The following SETD1A variants were observed in gnomAD, a reference collection of about 807,000 sequenced individuals.
SETD1A encodes the protein SET domain containing 1A, histone lysine methyltransferase, also known as histone-lysine N-methyltransferase SETD1A.
A neutral mutation model predicts 149.9 loss-of-function variants in SETD1A; 29 were observed. The ratio of observed to expected loss-of-function variants is 0.19; its 90% CI spans 0.14 to 0.26. SETD1A has a LOEUF of 0.26. Among genes scored for constraint, SETD1A ranks in the 10% least tolerant of loss-of-function variants. The pLI is 1.00. For missense variants in SETD1A, 2,109 were observed against 2,353.1 expected, an observed-to-expected ratio of 0.90 and a Z score of 2.15; for synonymous variants, 1,141 against 968.5, an observed-to-expected ratio of 1.18 and a Z score of -3.31.
At position 30,961,524 on chromosome 16, in the gene SETD1A, G is replaced by A. The variant is rs768873331; in HGVS notation, c.504G>A (p.Gln168=). The change falls in exon 4 of 19, where the codon CAG becomes CAA. Residue 168 remains glutamine (Q), a synonymous_variant. Transcript: ENST00000262519. The surrounding 1 kb of genome is among the most constrained non-coding windows in gnomAD (Gnocchi z 4.0). ...TCATGGGCAACATCATCCATGCCCA[G>A]CTTGACATCAAAGGTGAGGACTCCT... ...TSVMGNIIHA[Q]LDIKGQQRMK... 3 of 1,613,834 alleles carry A rather than the reference G, an allele frequency of 1.9e-6. No individual in the cohort carries two copies. In the East Asian group the frequency reaches 6.7e-5, roughly 36 times the overall value.
Position 30,983,530 on chromosome 16 carries a change from C to A in SETD1A, c.4813-105C>A. On this transcript the variant is annotated intron_variant, in intron 17 of 18. Transcript: ENST00000262519. This position sits in a 1 kb window ranked among gnomAD's most constrained non-coding sequence, Gnocchi z 6.8. ...TTAGCGGGAGCTGGAGGCAGAGCTG[C>A]AGCTCCAGGCCTGGTGGGCGTGGAC... The A allele has an allele frequency of 7.4e-7, 1 of 1,354,306 alleles. No homozygotes were observed. Among genetic ancestry groups the A allele is most frequent in the Non-Finnish European group, 1.0e-6 (1 of 983,898 alleles). 83.9% of individuals were successfully genotyped at this position (1,354,306 alleles called of 1,614,324 possible). A position where few individuals can be genotyped will look rare whatever the true frequency, so the allele number is the denominator to read the frequency against.
At chr16:30,971,332 A>G (rs1291408065) in intron 12 of SETD1A, 46 bp from the exon 13 acceptor site, 4 of 1,533,720 alleles carry the variant, frequency 2.6e-6, no homozygotes, top group East Asian at 2.3e-5. Context: ...CGGCTGGCCA[A>G]GTGAGGTCTG....
Position 30,964,743 on chromosome 16 carries a change from C to T in SETD1A, c.1001C>T (p.Thr334Ile), listed in dbSNP as rs747070455. 3 of 1,614,256 alleles carry T rather than the reference C, an allele frequency of 1.9e-6. No homozygotes were observed. Among genetic ancestry groups the T allele is most frequent in the Admixed American group, 1.7e-5 (1 of 60,028 alleles). ...GCCATCGCCGCCACCACTGCAGCCA[C>T]TGCCTCATCCTCCGCCTCTTCCTCC... ...STAIAATTAA[T>I]ASSSASSSSL... Residue 334 changes from threonine (T) to isoleucine (I), a missense_variant, in exon 7 of 19, where the codon ACT becomes ATT. By Grantham distance (89) the Thr-to-Ile change is moderately conservative. Transcript: ENST00000262519.
chr16:30,967,412 C>T, intron 9 of SETD1A, 89 bp from the exon 10 acceptor site: 6 of 1,241,680 alleles, frequency 4.8e-6, no homozygotes, highest in Non-Finnish European at 7.1e-6. Flanking sequence ...CCTTGGCCTC[C>T]CAAAGTGCTG....
intron 2 of SETD1A, 96 bp from the exon 3 acceptor site, chr16:30,958,995 C>T (rs1352191972): frequency 6.2e-6 from 9 of 1,460,922 alleles, no homozygotes; most frequent in Non-Finnish European, 6.7e-6. Flanking sequence ...CAGTTGGACC[C>T]AGCTCTTCTG....
chr16:30,984,384 C>G lies in SETD1A; in HGVS notation c.*361C>G, dbSNP rs780360099. 1 of 212,902 alleles carries G rather than the reference C, an allele frequency of 4.7e-6. No homozygotes were observed. The highest frequency in any genetic ancestry group is 2.3e-5 in the African/African-American group (1 of 43,370). 13.2% of individuals were successfully genotyped at this position (212,902 alleles called of 1,614,324 possible). A position where few individuals can be genotyped will look rare whatever the true frequency, so the allele number is the denominator to read the frequency against. On this transcript the variant is annotated 3_prime_UTR_variant, in exon 19 of 19. Transcript: ENST00000262519. ...AATGGGGACTTCCCCTTACGCCCTGCGTGTACCCCTCCCCAGTTTAGGGGT... is the reference window on the plus strand; with the variant it reads ...AATGGGGACTTCCCCTTACGCCCTGGGTGTACCCCTCCCCAGTTTAGGGGT...
Position 30,969,644 on chromosome 16 carries a change from G to A in SETD1A, c.2971G>A (p.Glu991Lys). The A allele has an allele frequency of 3.1e-6, 5 of 1,614,246 alleles. No individual in the cohort carries two copies. In the South Asian group the frequency reaches 3.3e-5, roughly 11 times the overall value. ...DEEDEEDEDR[E>K]EAVDTTKKET... ...GGAAGATGAGGAAGATGAAGATCGAGAGGAAGCTGTGGATACCACAAAGAA... is the reference window on the plus strand; with the variant it reads ...GGAAGATGAGGAAGATGAAGATCGAAAGGAAGCTGTGGATACCACAAAGAA... The change falls in exon 12 of 19, where the codon GAG (glutamate) becomes AAG (lysine). Residue 991 changes from glutamate to lysine, a missense_variant. Coordinates refer to ENST00000262519, the MANE Select transcript of SETD1A (RefSeq NM_014712.3).
intron 13 of SETD1A, 51 bp downstream of exon 13, chr16:30,971,770 G>A (rs1213385826): frequency 1.3e-6 from 2 of 1,506,164 alleles, no homozygotes; most frequent in Non-Finnish European, 1.8e-6. Flanking sequence ...GAGAGAGAGA[G>A]AGAAAACAGT....
chr16:30,979,758 C>G lies in SETD1A; in HGVS notation c.3972C>G (p.Pro1324=). 6.3e-7 allele frequency: 1 copy of G among 1,596,602 alleles called. No individual in the cohort carries two copies. The highest frequency in any genetic ancestry group is 1.1e-5 in the South Asian group (1 of 90,480). Residue 1324 remains proline (P), a synonymous_variant, in exon 14 of 19, where the codon CCC becomes CCG. Coordinates refer to ENST00000262519, the MANE Select transcript of SETD1A (RefSeq NM_014712.3). ...GGCCCCCGGAGCCAGTGCCCGCACC[C>G]GCCGCCCTCTTCAGTTCCCCAGCTG... is the stretch of plus-strand genomic sequence containing the variant. The part of the protein sequence containing the change: ...ALRPPEPVPA[P]AALFSSPADE...
At chr16:30,981,238 C>T in intron 17 of SETD1A, 58 bp downstream of exon 17, 1 of 1,598,654 alleles carries the variant, frequency 6.3e-7, no homozygotes, top group South Asian at 1.1e-5. Context: ...AGCATGGGGG[C>T]TCACACACAT....
intron 10 of SETD1A, among the ~76,000 whole-genome samples, chr16:30,967,991 G>A (rs2056171351): frequency 6.6e-6 from 1 of 152,146 alleles, no homozygotes; most frequent in Non-Finnish European, 1.5e-5. Flanking sequence ...CATTGAGTCA[G>A]ATCTGCTTCC....
chr16:30,980,487 A>G lies in SETD1A; in HGVS notation c.4411A>G (p.Thr1471Ala), dbSNP rs2056358980. Reference protein sequence around the residue: ...NDTHWVHHTITNLTTPKRKRR... With the variant: ...NDTHWVHHTIANLTTPKRKRR... ...TTCTCTTCCTTAACACCCTGCACTCACCAACCTGACCACCCCAAAACGCAA... is the reference window on the plus strand; with the variant it reads ...TTCTCTTCCTTAACACCCTGCACTCGCCAACCTGACCACCCCAAAACGCAA... The change falls in exon 15 of 19, where the codon ACC becomes GCC. Residue 1471 changes from threonine (T) to alanine (A), a missense_variant and splice_region_variant. By Grantham distance (58) the Thr-to-Ala change is moderately conservative (BLOSUM62 0). This residue lies in a region of SETD1A where 254 missense variants were observed against 409.3 expected (regional missense o/e 0.62). Transcript: ENST00000262519. This position sits in a 1 kb window ranked among gnomAD's most constrained non-coding sequence, Gnocchi z 7.7. The G allele has an allele frequency of 2.5e-6, 4 of 1,612,850 alleles. No individual in the cohort carries two copies. Among genetic ancestry groups the G allele is most frequent in the Non-Finnish European group, 3.4e-6 (4 of 1,179,340 alleles).
chr16:30,969,622 A>T lies in SETD1A; in HGVS notation c.2949A>T (p.Glu983Asp). 6.2e-7 allele frequency: 1 copy of T among 1,614,000 alleles called. No homozygotes were observed. Among genetic ancestry groups the T allele is most frequent in the Non-Finnish European group, 8.5e-7 (1 of 1,179,914 alleles). Residue 983 changes from glutamate to aspartate, a missense_variant, in exon 12 of 19, where the codon GAA becomes GAT. Around this residue, in one of 8 missense-constraint regions of SETD1A, gnomAD observed 832 missense variants for 815.6 expected, o/e 1.02. Transcript: ENST00000262519. ...TTAAGGATGAGGAGGATGACGAGGA[A>T]GATGAGGAAGATGAAGATCGAGAGG... ...SSEKDEEDDE[E>D]DEEDEDREEA... is the part of the protein sequence containing the mutation.
At position 30,959,184 on chromosome 16, in the gene SETD1A, A is replaced by C; in HGVS notation, c.244A>C (p.Lys82Gln). The change falls in exon 3 of 19, where the codon AAG becomes CAG. Residue 82 changes from lysine to glutamine, a missense_variant and splice_region_variant. Coordinates refer to ENST00000262519, the MANE Select transcript of SETD1A (RefSeq NM_014712.3). Reference sequence around the variant, plus strand: ...CTTTTCCCTCCCAGTCCCTAAGTTTAAGGTAAGTGTCTGCTGGGCTCCTGG... The same window carrying C: ...CTTTTCCCTCCCAGTCCCTAAGTTTCAGGTAAGTGTCTGCTGGGCTCCTGG... Reference protein sequence around the residue: ...RDFSLPVPKFKLDEFYIGQIP... With the variant: ...RDFSLPVPKFQLDEFYIGQIP... 1 of 1,600,680 alleles carries C rather than the reference A, an allele frequency of 6.2e-7. No individual in the cohort carries two copies. Among genetic ancestry groups the C allele is most frequent in the Non-Finnish European group, 8.6e-7 (1 of 1,167,754 alleles).
intron 13 of SETD1A, among the ~76,000 whole-genome samples, chr16:30,977,700 G>A (rs938218553): frequency 1.3e-5 from 2 of 152,228 alleles, no homozygotes; most frequent in Admixed American, 6.5e-5. Context: ...GCTGCCACAG[G>A]CTGAGACCCC....
chr16:30,979,991 G>GCCC lies in SETD1A; in HGVS notation c.4206_4208dup (p.Pro1412dup). The GCCC allele has an allele frequency of 7.8e-7, 1 of 1,279,666 alleles. No homozygotes were observed. The highest frequency in any genetic ancestry group is 1.0e-6 in the Non-Finnish European group (1 of 969,376). 79.3% of individuals were successfully genotyped at this position (1,279,666 alleles called of 1,614,324 possible). On this transcript the variant is annotated inframe_insertion, in exon 14 of 19. Transcript: ENST00000262519. The stretch of plus-strand genomic sequence containing the variant: ...CTCCGCTCCCACGCCCGGCGCCGCC[G>GCCC]CCCTCCGCCCCCACCCCCGCCGCCA...
Position 30,983,363 on chromosome 16 carries a change from C to T in SETD1A, c.4813-272C>T, listed in dbSNP as rs141222558. Among the ~76,000 whole-genome samples, 268 of 152,286 alleles carry T rather than the reference C, an allele frequency of 1.8e-3. No homozygotes were observed. The highest frequency in any genetic ancestry group is 6.3e-3 in the African/African-American group (260 of 41,558). On this transcript the variant is annotated intron_variant, in intron 17 of 18. Transcript: ENST00000262519. This position sits in a 1 kb window ranked among gnomAD's most constrained non-coding sequence, Gnocchi z 6.8. ...ACCCCACTGTGACCAGGCAGATGCT[C>T]GAAGGAGTCAGTGGCTCTCTTACCC...
intron 13 of SETD1A, among the ~76,000 whole-genome samples, chr16:30,977,804 G>A (rs1020711608): frequency 2.6e-5 from 4 of 152,232 alleles, no homozygotes; most frequent in Non-Finnish European, 4.4e-5. Context: ...CTGCCTCCTA[G>A]GGCCGGGCCT....
intron 13 of SETD1A, among the ~76,000 whole-genome samples, chr16:30,974,315 A>G (rs2056258761): frequency 6.6e-6 from 1 of 152,120 alleles, no homozygotes; most frequent in Non-Finnish European, 1.5e-5. Context: ...TCTGGAAAGA[A>G]CGGTAGGCTG....
Sources: allele counts gnomAD v4.1 joint callset (sites outside exome capture counted in the v4.1 genomes callset), GRCh38; gene constraint gnomAD v4.1.1; regional missense constraint gnomAD v4.1.1; non-coding constraint Gnocchi (gnomAD v3.1); transcripts MANE v1.5; gene names NCBI Gene and HGNC (gene_info 2026-07-23, HGNC 2026-07-21).